VOPP1: variants seen among roughly 807,000 people sequenced by gnomAD.
The protein encoded by VOPP1 is VOPP1 WW domain binding protein.
Under a neutral mutation model 23.5 loss-of-function variants are expected in VOPP1, and 8 were observed. That is an observed-to-expected ratio of 0.34 (90% CI 0.20 to 0.61). The LOEUF is 0.61. Ranked by LOEUF, VOPP1 falls within the 20% of genes least tolerant of loss-of-function variation. The probability of loss-of-function intolerance (pLI) is 0.78; values close to 1 mark genes in which losing one functional copy is unlikely to be tolerated. For synonymous variants in VOPP1, 83 were observed against 97.3 expected, an observed-to-expected ratio of 0.85 and a Z score of 0.86; for missense variants, 174 against 238.1, an observed-to-expected ratio of 0.73 and a Z score of 1.77.
At chr7:55,535,471 G>A (rs55976821) in intron 1 of VOPP1, among the ~76,000 whole-genome samples, 26,266 of 152,032 alleles carry the variant, frequency 0.17, 2,383 homozygotes, top group Middle Eastern at 0.23. Flanking sequence ...TGGCCTGGCC[G>A]CCCCCACATG....
At chr7:55,474,104 T>A (rs1353021733) in intron 4 of VOPP1, among the ~76,000 whole-genome samples, 1 of 152,200 alleles carries the variant, frequency 6.6e-6, no homozygotes, top group Non-Finnish European at 1.5e-5. Flanking sequence ...CTGAGCGCTC[T>A]CAACTGCCAG....
intron 4 of VOPP1, among the ~76,000 whole-genome samples, chr7:55,449,730 C>A (rs527819537): frequency 6.6e-6 from 1 of 152,216 alleles, no homozygotes; most frequent in South Asian, 2.1e-4. Flanking sequence ...AGGAGAGCAG[C>A]GAGCAGCCTG....
intron 1 of VOPP1, among the ~76,000 whole-genome samples, chr7:55,551,087 T>A (rs778032375): frequency 1.3e-5 from 2 of 152,026 alleles, no homozygotes; most frequent in African/African-American, 2.4e-5. Context: ...GCAAATTATC[T>A]CCCTGTTATG....
intron 4 of VOPP1, among the ~76,000 whole-genome samples, chr7:55,464,194 T>C (rs1480502077): frequency 6.6e-6 from 1 of 152,104 alleles, no homozygotes; most frequent in Admixed American, 6.5e-5. Context: ...GTGCAGGCAC[T>C]AGAAGTGGAA....
chr7:55,517,447 G>A (rs905983199), intron 2 of VOPP1, among the ~76,000 whole-genome samples: 7 of 151,996 alleles, frequency 4.6e-5, no homozygotes, highest in Admixed American at 6.6e-5. Context: ...CACCATCCCC[G>A]GGACAGCACC....
At chr7:55,438,346 C>T (rs1202881160) in intron 4 of VOPP1, among the ~76,000 whole-genome samples, 4 of 152,154 alleles carry the variant, frequency 2.6e-5, no homozygotes, top group Non-Finnish European at 5.9e-5. Context: ...GGCGAAGACA[C>T]TCACCTGAAT....
At chr7:55,497,769 C>T in intron 2 of VOPP1, 79 bp from the exon 3 acceptor site, 3 of 1,229,380 alleles carry the variant, frequency 2.4e-6, no homozygotes, top group Non-Finnish European at 3.6e-6. Flanking sequence ...GGCTGGGCTT[C>T]AATGTAATCA....
chr7:55,455,695 A>C (rs980895064), intron 4 of VOPP1, among the ~76,000 whole-genome samples: 4 of 152,256 alleles, frequency 2.6e-5, no homozygotes, highest in African/African-American at 9.6e-5. Context: ...AAAAATAAGC[A>C]ATGGGGAAAG....
chr7:55,467,440 C>A (rs926327663), downstream of VOPP1, among the ~76,000 whole-genome samples: 1 of 152,212 alleles, frequency 6.6e-6, no homozygotes, highest in Non-Finnish European at 1.5e-5. Context: ...GGCCTCAATG[C>A]GGAGCCTCTC....
intron 1 of VOPP1, among the ~76,000 whole-genome samples, chr7:55,569,959 C>A (rs1424359802): frequency 6.6e-6 from 1 of 152,132 alleles, no homozygotes; most frequent in East Asian, 1.9e-4. Flanking sequence ...AACCACGTGG[C>A]AAATTTATAC....
At chr7:55,557,341 T>TA (rs1393341212) in intron 1 of VOPP1, among the ~76,000 whole-genome samples, 1 of 151,900 alleles carries the variant, frequency 6.6e-6, no homozygotes, top group East Asian at 1.9e-4. Context: ...TGTGCTTACT[T>TA]AAAACAATGC....
chr7:55,508,919 C>T lies in VOPP1; in HGVS notation c.114-11229G>A, dbSNP rs532349503. 9.9e-5 allele frequency among the ~76,000 whole-genome samples: 15 copies of T among 152,180 alleles called. No homozygotes were observed. The East Asian group carries it at 2.9e-3, about 29-fold the overall frequency. On this transcript the variant is annotated intron_variant, in intron 2 of 4. Transcript: ENST00000285279. ...ATTAGCCAGACGTGGTAGCATATGC[C>T]TATAGTCCTAGCGACTCAGAGGCTG...
At chr7:55,453,643 C>G (rs1376290954) in intron 4 of VOPP1, among the ~76,000 whole-genome samples, 3 of 152,182 alleles carry the variant, frequency 2.0e-5, no homozygotes, top group Admixed American at 2.0e-4. Context: ...TATAGTACAA[C>G]ACTAACATCA....
intron 2 of VOPP1, among the ~76,000 whole-genome samples, chr7:55,518,269 C>T (rs1795601781): frequency 1.3e-5 from 2 of 152,182 alleles, no homozygotes; most frequent in South Asian, 4.1e-4. Flanking sequence ...GGGGACCGCA[C>T]ATGCAGGGAA....
At chr7:55,529,063 G>A (rs1019138296) in intron 1 of VOPP1, among the ~76,000 whole-genome samples, 9 of 152,024 alleles carry the variant, frequency 5.9e-5, no homozygotes, top group African/African-American at 1.7e-4. Context: ...AGGCTGTTGT[G>A]GCAAGAGACA....
chr7:55,555,946 C>T (rs1038130077), intron 1 of VOPP1, among the ~76,000 whole-genome samples: 3 of 152,198 alleles, frequency 2.0e-5, no homozygotes, highest in Admixed American at 6.5e-5. Context: ...GCAAAACTCA[C>T]TTGTTTTCTT....
chr7:55,542,962 C>T (rs1797198470), intron 1 of VOPP1, among the ~76,000 whole-genome samples: 1 of 151,986 alleles, frequency 6.6e-6, no homozygotes, highest in South Asian at 2.1e-4. Context: ...GTTGTCCAGG[C>T]TGGAGTGCAG....
At chr7:55,442,657 A>G (rs1233160316) in intron 4 of VOPP1, among the ~76,000 whole-genome samples, 1 of 152,054 alleles carries the variant, frequency 6.6e-6, no homozygotes, top group East Asian at 1.9e-4. Flanking sequence ...TAGACCAAAA[A>G]AAAAAAAAAA....
chr7:55,509,870 G>A (rs1020166419), intron 2 of VOPP1, among the ~76,000 whole-genome samples: 4 of 151,870 alleles, frequency 2.6e-5, no homozygotes, highest in African/African-American at 4.8e-5. Context: ...CCTCTATATC[G>A]ACTCTTCTGT....
Sources: allele counts gnomAD v4.1 joint callset (sites outside exome capture counted in the v4.1 genomes callset), GRCh38; gene constraint gnomAD v4.1.1; transcripts MANE v1.5; gene names NCBI Gene and HGNC (gene_info 2026-07-23, HGNC 2026-07-21).